The following ASH1L variants were observed in gnomAD, a reference collection of about 807,000 sequenced individuals.
ASH1L encodes the protein ASH1 like histone lysine methyltransferase.
Under a neutral mutation model 269.0 loss-of-function variants are expected in ASH1L, and 23 were observed. The observed-to-expected ratio is 0.09, with a 90% CI of 0.06 to 0.12. The LOEUF (loss-of-function observed/expected upper bound fraction) is 0.12, where lower values mean the gene tolerates loss of function less well. Among genes scored for constraint, ASH1L ranks in the 10% least tolerant of loss-of-function variants. The pLI is 1.00. For synonymous variants in ASH1L, 1,187 were observed against 1,253.5 expected (o/e 0.95, Z 1.12); for missense variants, 2,912 against 3,567.8 (o/e 0.82, Z 4.68).
In ASH1L at chr1:155,360,288, T is replaced by G. The variant is rs756377704; in HGVS notation, c.6795+13A>C. 6.5e-7 allele frequency: 1 copy of G among 1,538,976 alleles called. No homozygotes were observed. The highest frequency in any genetic ancestry group is 1.7e-5 in the Admixed American group (1 of 59,880). ...ATAAAGTTCAATCTCCCTCTAGGAT[T>G]TATTATTCTTACCTGTTTTTCCACA... is the stretch of plus-strand genomic sequence containing the variant. On this transcript the variant is annotated intron_variant, in intron 13 of 27. Coordinates refer to ENST00000392403, the MANE Select transcript of ASH1L (RefSeq NM_018489.3).
chr1:155,368,088 G>A (rs1404059749), intron 12 of ASH1L, among the ~76,000 whole-genome samples: 1 of 152,002 alleles, frequency 6.6e-6, no homozygotes, highest in African/African-American at 2.4e-5. Context: ...CTACAGCCTC[G>A]AACTTCTGGG....
At chr1:155,429,940 G>A (rs1366523571) in intron 5 of ASH1L, among the ~76,000 whole-genome samples, 3 of 151,814 alleles carry the variant, frequency 2.0e-5, no homozygotes, top group African/African-American at 7.3e-5. Context: ...CTAGTAGCTG[G>A]GACTACAGGC....
chr1:155,401,547 C>G (rs1469335821), intron 6 of ASH1L, among the ~76,000 whole-genome samples: 1 of 151,220 alleles, frequency 6.6e-6, no homozygotes, highest in Non-Finnish European at 1.5e-5. Context: ...ACTGGAAGGC[C>G]AAGGTGGGTG....
intron 17 of ASH1L, among the ~76,000 whole-genome samples, chr1:155,350,631 G>C (rs577188191): frequency 3.9e-5 from 6 of 152,056 alleles, no homozygotes; most frequent in Non-Finnish European, 7.4e-5. Flanking sequence ...ATAGTAATTT[G>C]TTTGGCTGGG....
intron 4 of ASH1L, among the ~76,000 whole-genome samples, chr1:155,450,642 T>G (rs938265395): frequency 4.6e-5 from 7 of 152,142 alleles, no homozygotes; most frequent in African/African-American, 1.7e-4. Context: ...AGTAGGACAA[T>G]CCATCAAAAA....
At chr1:155,374,899 T>A (rs1405101102) in intron 10 of ASH1L, among the ~76,000 whole-genome samples, 1 of 152,128 alleles carries the variant, frequency 6.6e-6, no homozygotes, top group African/African-American at 2.4e-5. Flanking sequence ...TACTGTAGCC[T>A]CAACCTCCAG....
Position 155,433,172 on chromosome 1 carries a change from C to T in ASH1L, c.5828+5155G>A, listed in dbSNP as rs1268900951. On this transcript the variant is annotated intron_variant, in intron 5 of 27. Transcript: ENST00000392403. Reference sequence around the variant, plus strand: ...CCAGGCCCCCAGCTTGGGGCGCCTTCCTTCCCCATGGCGGGACACCTGGCT... The same window carrying T: ...CCAGGCCCCCAGCTTGGGGCGCCTTTCTTCCCCATGGCGGGACACCTGGCT... 5.3e-6 allele frequency: 8 copies of T among 1,521,762 alleles called. 1 individual carries two copies. Among genetic ancestry groups the T allele is most frequent in the Non-Finnish European group, 3.5e-6 (4 of 1,130,704 alleles). The allele number at this position is 1,521,762 out of a possible 1,614,324, so 94.3% of individuals were successfully genotyped here.
chr1:155,359,545 G>C (rs934040212), intron 13 of ASH1L, among the ~76,000 whole-genome samples: 1 of 152,104 alleles, frequency 6.6e-6, no homozygotes, highest in Non-Finnish European at 1.5e-5. Flanking sequence ...AAAGTGCCGG[G>C]ATTACAGGCG....
chr1:155,383,030 C>A (rs576998523), intron 7 of ASH1L, among the ~76,000 whole-genome samples: 1 of 151,968 alleles, frequency 6.6e-6, no homozygotes, highest in Non-Finnish European at 1.5e-5. Flanking sequence ...GCCCTCTTTT[C>A]GCTTTTAACT....
At chr1:155,518,261 A>G (rs1428613337) in intron 2 of ASH1L, among the ~76,000 whole-genome samples, 1 of 152,208 alleles carries the variant, frequency 6.6e-6, no homozygotes, top group Non-Finnish European at 1.5e-5. Flanking sequence ...CACAGATCTA[A>G]ACATAAGAGC....
chr1:155,466,258 G>A (rs1664691856), intron 3 of ASH1L, among the ~76,000 whole-genome samples: 1 of 152,106 alleles, frequency 6.6e-6, no homozygotes. Flanking sequence ...GGAGGCTGAG[G>A]CAGGAGAATG....
intron 1 of ASH1L, among the ~76,000 whole-genome samples, chr1:155,558,851 CTTTT>C (rs1227615811): frequency 2.9e-5 from 4 of 136,142 alleles, no homozygotes; most frequent in Non-Finnish European, 1.6e-5. Context: ...TTTTTCTTTT[CTTTT>C]TTTTTTTTTT....
At chr1:155,475,197 C>T (rs1293977431) in intron 3 of ASH1L, among the ~76,000 whole-genome samples, 3 of 151,966 alleles carry the variant, frequency 2.0e-5, no homozygotes, top group Non-Finnish European at 1.5e-5. Context: ...GTTGCACTGG[C>T]GTGATCTGGG....
At chr1:155,532,896 T>G in intron 1 of ASH1L, among the ~76,000 whole-genome samples, 1 of 142,840 alleles carries the variant, frequency 7.0e-6, no homozygotes, top group Admixed American at 6.8e-5. Flanking sequence ...TATATATGTA[T>G]GTATGTATAT....
intron 2 of ASH1L, among the ~76,000 whole-genome samples, chr1:155,490,614 TCACACA>T (rs144278501): frequency 7.7e-5 from 11 of 142,396 alleles, no homozygotes; most frequent in Admixed American, 4.9e-4. Flanking sequence ...CCAGACTACG[TCACACA>T]CACACACACA....
intron 4 of ASH1L, among the ~76,000 whole-genome samples, chr1:155,455,940 C>T (rs1411699764): frequency 1.3e-5 from 2 of 152,042 alleles, no homozygotes; most frequent in Non-Finnish European, 2.9e-5. Flanking sequence ...TTCTATTTTC[C>T]CGTACATTGT....
intron 6 of ASH1L, among the ~76,000 whole-genome samples, chr1:155,399,599 A>G (rs1164286961): frequency 6.6e-6 from 1 of 152,018 alleles, no homozygotes; most frequent in Non-Finnish European, 1.5e-5. Flanking sequence ...AGATGGCACC[A>G]CCGCACTCCA....
In ASH1L at chr1:155,378,675, T is replaced by C. The variant is rs879531133; in HGVS notation, c.6178-127A>G. The C allele has an allele frequency of 3.7e-5, 27 of 729,490 alleles. No individual in the cohort carries two copies. In the Admixed American group the frequency reaches 4.8e-4, roughly 13 times the overall value. The allele number at this position is 729,490 out of a possible 1,614,324, so 45.2% of individuals were successfully genotyped here. A position where few individuals can be genotyped will look rare whatever the true frequency, so the allele number is the denominator to read the frequency against. On this transcript the variant is annotated intron_variant, in intron 8 of 27. Transcript: ENST00000392403. ...CATCTGGAAATATTTACAAGACATT[T>C]TGGGTTGGATACATTTGAGGGAAAC... is the stretch of plus-strand genomic sequence containing the variant.
Position 155,460,816 on chromosome 1 carries a change from C to T in ASH1L, c.4985-918G>A, listed in dbSNP as rs545712184. 2.0e-5 allele frequency among the ~76,000 whole-genome samples: 3 copies of T among 152,260 alleles called. No homozygotes were observed. The South Asian group carries it at 6.2e-4, about 32-fold the overall frequency. ...ATAAAAGCTTATGAAGACAAAGAAA[C>T]TCAATTTCCTTTCAAAAACTTTCAT... is the stretch of plus-strand genomic sequence containing the variant. On this transcript the variant is annotated intron_variant, in intron 3 of 27. Coordinates refer to ENST00000392403, the MANE Select transcript of ASH1L (RefSeq NM_018489.3).
Sources: allele counts gnomAD v4.1 joint callset (sites outside exome capture counted in the v4.1 genomes callset), GRCh38; gene constraint gnomAD v4.1.1; transcripts MANE v1.5; gene names NCBI Gene and HGNC (gene_info 2026-07-23, HGNC 2026-07-21).